SUPT16H: variants seen among roughly 807,000 people sequenced by gnomAD.
The protein encoded by SUPT16H is FACT complex subunit SPT16.
A neutral mutation model predicts 136.2 loss-of-function variants in SUPT16H; 24 were observed. That is an observed-to-expected ratio of 0.18 (90% CI 0.13 to 0.25). The LOEUF is 0.25. SUPT16H is among the 10% of genes least tolerant of loss of function. SUPT16H has a pLI of 1.00. For missense variants in SUPT16H, 623 were observed against 1,270.2 expected (o/e 0.49, Z 7.74); for synonymous variants, 415 against 428.2 (o/e 0.97, Z 0.38).
Position 21,357,786 on chromosome 14 carries a change from TTAAAAG to T in SUPT16H, c.2490+135_2490+140del, listed in dbSNP as rs551761967. ...CCATTATGCCTGCCCTAAAGAGACT[TTAAAAG>T]TAACATTTGTTCAATGAGTTTTAAG... On this transcript the variant is annotated intron_variant, in intron 21 of 25. Transcript: ENST00000216297. 9.4e-4 allele frequency: 841 copies of T among 899,108 alleles called. 3 individuals are homozygous for T. In the African/African-American group the frequency reaches 0.013, roughly 14 times the overall value. The allele number at this position is 899,108 out of a possible 1,614,324, so 55.7% of individuals were successfully genotyped here.
rs1194310508 is a variant in SUPT16H at position 21,360,421 on chromosome 14, G to A, written c.2169C>T (p.His723=). 9 of 1,610,756 alleles carry A rather than the reference G, an allele frequency of 5.6e-6. No homozygotes were observed. The highest frequency in any genetic ancestry group is 7.6e-6 in the Non-Finnish European group (9 of 1,177,340). ...DGEMIIVLHF[H]LKNAIMFGKK... Reference sequence around the variant, plus strand: ...GTTAAGTAGAAAGGTATACCTTGAGGTGAAAGTGCAAGACAATAATCATTT... The same window carrying A: ...GTTAAGTAGAAAGGTATACCTTGAGATGAAAGTGCAAGACAATAATCATTT... Residue 723 remains histidine, a synonymous_variant, in exon 18 of 26, where the codon CAC becomes CAT. Coordinates refer to ENST00000216297, the MANE Select transcript of SUPT16H (RefSeq NM_007192.4).
chr14:21,378,647 G>A (rs1886955982), intron 1 of SUPT16H, among the ~76,000 whole-genome samples: 5 of 152,208 alleles, frequency 3.3e-5, no homozygotes, highest in Admixed American at 3.3e-4. Context: ...GTTGGAATGA[G>A]TGTGATGACA....
Position 21,359,465 on chromosome 14 carries a change from A to C in SUPT16H, c.2301+19T>G. On this transcript the variant is annotated intron_variant, in intron 19 of 25. Coordinates refer to ENST00000216297, the MANE Select transcript of SUPT16H (RefSeq NM_007192.4). Reference sequence around the variant, plus strand: ...TCCTCCCTCACTATCCTGCAAATACAATACTAAATTTCACAAACCTGCTCA... The same window carrying C: ...TCCTCCCTCACTATCCTGCAAATACCATACTAAATTTCACAAACCTGCTCA... 1.9e-6 allele frequency: 3 copies of C among 1,610,854 alleles called. No homozygotes were observed. The highest frequency in any genetic ancestry group is 2.5e-6 in the Non-Finnish European group (3 of 1,179,234).
rs778106367 is a variant in SUPT16H at position 21,362,334 on chromosome 14, G to A, written c.1666-10C>T. 6.2e-7 allele frequency: 1 copy of A among 1,604,236 alleles called. No homozygotes were observed. The highest frequency in any genetic ancestry group is 1.7e-5 in the Admixed American group (1 of 57,442). ...CGGACATACTTATATTCTGTTCAAA[G>A]GAAAAGCATAAAAAGTAAACAGATT... On this transcript the variant is annotated splice_polypyrimidine_tract_variant and intron_variant, in intron 14 of 25. Coordinates refer to ENST00000216297, the MANE Select transcript of SUPT16H (RefSeq NM_007192.4).
chr14:21,381,385 AG>A, intron 1 of SUPT16H, among the ~76,000 whole-genome samples: 1 of 152,320 alleles, frequency 6.6e-6, no homozygotes, highest in East Asian at 1.9e-4. Context: ...TTTTTAAAAA[AG>A]GGAAGAAAAA....
intron 22 of SUPT16H, among the ~76,000 whole-genome samples, chr14:21,355,513 T>TAAAA (rs59639210): frequency 1.2e-4 from 14 of 113,554 alleles, no homozygotes; most frequent in East Asian, 2.5e-4. Context: ...ATAATAATAA[T>TAAAA]AAAAAAAAAA....
intron 2 of SUPT16H, chr14:21,372,572 GC>G (rs1886810091): frequency 2.7e-6 from 1 of 368,008 alleles, no homozygotes; most frequent in East Asian, 8.1e-5. Context: ...AGAAAAGGTG[GC>G]CTCCTGTTTT....
intron 21 of SUPT16H, among the ~76,000 whole-genome samples, chr14:21,357,680 T>G (rs751991317): frequency 5.7e-4 from 86 of 152,140 alleles, no homozygotes; most frequent in Non-Finnish European, 1.0e-3. Flanking sequence ...CTTGCTATGT[T>G]GCCCAGACTG....
At chr14:21,377,711 C>T (rs542968980) in intron 1 of SUPT16H, among the ~76,000 whole-genome samples, 1 of 152,182 alleles carries the variant, frequency 6.6e-6, no homozygotes, top group East Asian at 1.9e-4. Flanking sequence ...GTGGCCTCTG[C>T]CTCCTGGGTT....
chr14:21,363,544 G>A (rs377095158), intron 10 of SUPT16H, 41 bp from the exon 11 acceptor site: 5 of 1,576,564 alleles, frequency 3.2e-6, no homozygotes, highest in Non-Finnish European at 4.3e-6. Context: ...ATTTAAAAGA[G>A]GCAATTTCAT....
At chr14:21,362,562 G>A (rs866472897) in intron 14 of SUPT16H, among the ~76,000 whole-genome samples, 1 of 152,064 alleles carries the variant, frequency 6.6e-6, no homozygotes, top group East Asian at 1.9e-4. Context: ...ATGATTAAAC[G>A]AAGTTGAAAG....
At chr14:21,359,154 G>A (rs912937269) in intron 19 of SUPT16H, among the ~76,000 whole-genome samples, 5 of 151,898 alleles carry the variant, frequency 3.3e-5, no homozygotes, top group African/African-American at 4.8e-5. Context: ...CTGGAGTGCA[G>A]TGGCGCTATC....
chr14:21,357,845 A>T (rs1000374133), intron 21 of SUPT16H, 82 bp downstream of exon 21: 36 of 1,310,546 alleles, frequency 2.7e-5, no homozygotes, highest in Non-Finnish European at 3.7e-5. Flanking sequence ...AATGAAAATG[A>T]CAATAATTAG....
chr14:21,377,126 G>T (rs978568061), intron 1 of SUPT16H, among the ~76,000 whole-genome samples: 11 of 149,082 alleles, frequency 7.4e-5, no homozygotes, highest in African/African-American at 2.7e-4. Flanking sequence ...TAACCAAAGA[G>T]GTCTAAACCT....
intron 1 of SUPT16H, among the ~76,000 whole-genome samples, chr14:21,377,844 G>C (rs1290838797): frequency 5.3e-5 from 8 of 152,142 alleles, no homozygotes; most frequent in Non-Finnish European, 8.8e-5. Flanking sequence ...GGGTAGTCTT[G>C]AGCTCCTGGC....
chr14:21,357,606 A>G (rs183863393), intron 21 of SUPT16H, among the ~76,000 whole-genome samples: 79 of 152,216 alleles, frequency 5.2e-4, no homozygotes, highest in African/African-American at 1.6e-3. Flanking sequence ...GGAACCATTT[A>G]AAATAAACTA....
At chr14:21,352,871 T>A in intron 25 of SUPT16H, 53 bp from the exon 26 acceptor site, 1 of 1,611,382 alleles carries the variant, frequency 6.2e-7, no homozygotes, top group Non-Finnish European at 8.5e-7. Context: ...AGGTACCTAA[T>A]ATTACTGGAT....
At chr14:21,355,237 G>T (rs1347286756) in intron 22 of SUPT16H, among the ~76,000 whole-genome samples, 1 of 152,070 alleles carries the variant, frequency 6.6e-6, no homozygotes, top group Non-Finnish European at 1.5e-5. Flanking sequence ...GCTCACGCCT[G>T]TAATCCCAGC....
rs746389507 is a variant in SUPT16H, at chr14:21,362,357, A to C, written c.1666-33T>G. 4 of 1,596,454 alleles carry C rather than the reference A, an allele frequency of 2.5e-6. No homozygotes were observed. In the South Asian group the frequency reaches 3.4e-5, roughly 14 times the overall value. ...AAGGAAAAGCATAAAAAGTAAACAG[A>C]TTTCTTTCCTAGAGATTAGTAGTTA... is the stretch of plus-strand genomic sequence containing the variant. On this transcript the variant is annotated intron_variant, in intron 14 of 25. Transcript: ENST00000216297.
Sources: gnomAD v4.1 joint callset for allele counts (sites outside exome capture counted in the v4.1 genomes callset) on GRCh38, gnomAD v4.1.1 for gene constraint, MANE v1.5 for transcripts, NCBI Gene and HGNC (gene_info 2026-07-23, HGNC 2026-07-21) for gene names.